LRGUK: variants seen among roughly 807,000 people sequenced by gnomAD.
LRGUK encodes the protein leucine rich repeats and guanylate kinase domain containing.
Under a neutral mutation model 76.0 loss-of-function variants are expected in LRGUK, and 65 were observed. That is an observed-to-expected ratio of 0.85 (90% CI 0.70 to 1.05). The LOEUF (loss-of-function observed/expected upper bound fraction) is 1.05, where lower values mean the gene tolerates loss of function less well. Ranked by LOEUF, LRGUK falls within the 50% of genes least tolerant of loss-of-function variation. The pLI, the probability that LRGUK is intolerant of heterozygous loss-of-function variation, is 0.00. For synonymous variants in LRGUK, 268 were observed against 265.6 expected (o/e 1.01, Z -0.09); for missense variants, 758 against 732.8 (o/e 1.03, Z -0.40).
chr7:134,206,341 C>A (rs1282461902), intron 15 of LRGUK, among the ~76,000 whole-genome samples: 1 of 152,116 alleles, frequency 6.6e-6, no homozygotes, highest in East Asian at 1.9e-4. Context: ...ATGGAGAAAT[C>A]CCGTCTCTAC....
rs535548222 is a variant in LRGUK, at chr7:134,224,554, G to A, written c.1983+2636G>A. On this transcript the variant is annotated intron_variant, in intron 16 of 19. Transcript: ENST00000285928. ...ACTGGGGTCTATCAGAGGGTGAAGG[G>A]TGGGAGGAGGGAGAGGATCAGGAAA... Among the ~76,000 whole-genome samples, 7 of 152,262 alleles carry A rather than the reference G, an allele frequency of 4.6e-5. No homozygotes were observed. In the South Asian group the frequency reaches 1.5e-3, roughly 32 times the overall value.
At chr7:134,268,717 C>CTT (rs71531815), downstream of LRGUK, among the ~76,000 whole-genome samples, 2,226 of 57,404 alleles carry the variant, frequency 0.039, 572 homozygotes, top group Middle Eastern at 0.091. Flanking sequence ...TGCAAAAAAT[C>CTT]TTTTTTTTTT....
At chr7:134,195,941 A>C (rs1383411009) in intron 12 of LRGUK, among the ~76,000 whole-genome samples, 2 of 152,144 alleles carry the variant, frequency 1.3e-5, no homozygotes, top group African/African-American at 4.8e-5. Flanking sequence ...ACCTCAAAAG[A>C]CACCCTACGC....
chr7:134,195,996 G>A (rs1354491085), intron 12 of LRGUK, among the ~76,000 whole-genome samples: 2 of 151,896 alleles, frequency 1.3e-5, no homozygotes, highest in East Asian at 1.9e-4. Flanking sequence ...GCCCATCCCC[G>A]TACCCTCACA....
chr7:134,209,123 C>G (rs1801129648), exon 16 of LRGUK: 1 of 399,110 alleles, frequency 2.5e-6, no homozygotes, highest in Non-Finnish European at 4.4e-6. Context: ...CACCCCGACC[C>G]TGGTGCCTCC....
intron 1 of LRGUK, among the ~76,000 whole-genome samples, chr7:134,136,406 A>T (rs888068778): frequency 6.6e-6 from 1 of 152,170 alleles, no homozygotes; most frequent in South Asian, 2.1e-4. Context: ...TTCTCTACCA[A>T]TCTGGCAAGA....
intron 13 of LRGUK, 74 bp from the exon 14 acceptor site, chr7:134,199,143 ATGT>A: frequency 9.0e-7 from 1 of 1,111,088 alleles, no homozygotes; most frequent in Non-Finnish European, 1.4e-6. Flanking sequence ...TCTTATACCC[ATGT>A]TGTCAGATGG....
chr7:134,141,659 C>T (rs1389178632), intron 3 of LRGUK: 2 of 152,194 alleles, frequency 1.3e-5, no homozygotes, highest in Non-Finnish European at 2.9e-5. Flanking sequence ...CTCCATTTAC[C>T]TGCCCACAGA....
intron 17 of LRGUK, 33 bp from the exon 18 acceptor site, chr7:134,248,918 G>GTAAA: frequency 7.5e-7 from 1 of 1,342,190 alleles, no homozygotes; most frequent in Non-Finnish European, 9.8e-7. Context: ...AAAATCCTTT[G>GTAAA]GTTTTTTTTT....
intron 19 of LRGUK, among the ~76,000 whole-genome samples, 165 bp downstream of exon 19, chr7:134,258,570 G>A (rs1802643332): frequency 6.6e-6 from 1 of 151,704 alleles, no homozygotes; most frequent in African/African-American, 2.4e-5. Context: ...GTGGTGGTGG[G>A]CACCTGTAGT....
chr7:134,228,723 A>G (rs1237944265), intron 16 of LRGUK, among the ~76,000 whole-genome samples: 1 of 152,204 alleles, frequency 6.6e-6, no homozygotes, highest in African/African-American at 2.4e-5. Flanking sequence ...ATAAATGGAG[A>G]TGAAATGTTC....
chr7:134,164,626 C>A (rs1255813320), intron 7 of LRGUK, among the ~76,000 whole-genome samples: 4 of 152,098 alleles, frequency 2.6e-5, no homozygotes, highest in African/African-American at 9.7e-5. Flanking sequence ...TTTATTTCTT[C>A]TTGAAAATGA....
exon 1 of LRGUK, chr7:134,127,385 G>A: frequency 6.2e-7 from 1 of 1,608,574 alleles, no homozygotes; most frequent in Non-Finnish European, 8.5e-7. Context: ...CCTCCGAGAG[G>A]GCTCTCCTGA....
At chr7:134,272,133 T>C in the LRGUK span, among the ~76,000 whole-genome samples, 1 of 152,102 alleles carries the variant, frequency 6.6e-6, no homozygotes, top group African/African-American at 2.4e-5. Flanking sequence ...AGTGTGAAAT[T>C]TGCTATAGAT....
rs1325898432 is a variant in LRGUK, at chr7:134,247,497, T to C, written c.1984-59T>C. 9 of 1,241,834 alleles carry C rather than the reference T, an allele frequency of 7.2e-6. No homozygotes were observed. In the African/African-American group the frequency reaches 1.4e-4, roughly 19 times the overall value. 76.9% of individuals were successfully genotyped at this position (1,241,834 alleles called of 1,614,324 possible). A position where few individuals can be genotyped will look rare whatever the true frequency, so the allele number is the denominator to read the frequency against. ...GTACCAAAGAGAATTATTATAGATGTTTTAATCATCTGACATTTTTAACAT... is the reference window on the plus strand; with the variant it reads ...GTACCAAAGAGAATTATTATAGATGCTTTAATCATCTGACATTTTTAACAT... On this transcript the variant is annotated intron_variant, in intron 16 of 19. Transcript: ENST00000285928.
At chr7:134,236,930 A>T (rs996555642) in intron 16 of LRGUK, among the ~76,000 whole-genome samples, 22 of 152,038 alleles carry the variant, frequency 1.4e-4, no homozygotes, top group African/African-American at 5.1e-4. Flanking sequence ...TTGAAAACTG[A>T]TGATTTTGTA....
At chr7:134,241,285 C>T (rs960731962) in intron 16 of LRGUK, among the ~76,000 whole-genome samples, 5 of 151,970 alleles carry the variant, frequency 3.3e-5, no homozygotes, top group Admixed American at 1.3e-4. Context: ...AAGACCCATC[C>T]GTGTGCTGTA....
rs1222032686 is a variant in LRGUK, at chr7:134,241,968, T to C, written c.1984-5588T>C. Among the ~76,000 whole-genome samples the C allele has an allele frequency of 5.9e-5, 9 of 152,048 alleles. 1 individual carries two copies. Among genetic ancestry groups the C allele is most frequent in the Admixed American group, 5.9e-4 (9 of 15,246 alleles). ...TCCTGAATGACTACTGGGTACATAA[T>C]AAAATGAAGGCAGAAATAAAGATGT... On this transcript the variant is annotated intron_variant, in intron 16 of 19. Coordinates refer to the LRGUK transcript ENST00000285928.
At chr7:134,177,213 G>A (rs1799521067) in intron 9 of LRGUK, 150 bp downstream of exon 9, 1 of 557,488 alleles carries the variant, frequency 1.8e-6, no homozygotes, top group Admixed American at 3.5e-5. Flanking sequence ...CCTTGCCTTA[G>A]GATCTGTTCA....
Sources: allele counts gnomAD v4.1 joint callset (sites outside exome capture counted in the v4.1 genomes callset), GRCh38; gene constraint gnomAD v4.1.1; transcripts MANE v1.5; gene names NCBI Gene and HGNC (gene_info 2026-07-23, HGNC 2026-07-21).